The following AEBP2 variants were observed in gnomAD, a reference collection of about 807,000 sequenced individuals.
The protein encoded by AEBP2 is AE binding protein 2.
In AEBP2, 10 loss-of-function variants were observed where a neutral mutation model predicts 50.8. That is an observed-to-expected ratio of 0.20 (90% CI 0.12 to 0.33). AEBP2 has a LOEUF of 0.33. AEBP2 is among the 10% of genes least tolerant of loss of function. AEBP2 has a pLI of 1.00. For synonymous variants in AEBP2, 296 were observed against 261.3 expected (o/e 1.13, Z -1.28); for missense variants, 570 against 688.0 (o/e 0.83, Z 1.92).
chr12:19,509,619 C>T (rs1006456770), intron 5 of AEBP2, among the ~76,000 whole-genome samples: 1 of 151,932 alleles, frequency 6.6e-6, no homozygotes, highest in Admixed American at 6.6e-5. Flanking sequence ...GTAGTGGCTG[C>T]GCCTGTGGTT....
At position 19,518,390 on chromosome 12, in the gene AEBP2, T is replaced by A; in HGVS notation, c.*273T>A. The A allele has an allele frequency of 8.1e-7, 1 of 1,230,892 alleles. No homozygotes were observed. Among genetic ancestry groups the A allele is most frequent in the Non-Finnish European group, 1.0e-6 (1 of 985,536 alleles). The allele number at this position is 1,230,892 out of a possible 1,614,324, so 76.2% of individuals were successfully genotyped here. ...CTGAGCAAACACTCTTTTGGCAACTTAGTAGAACAGCTTCTTAAAGGCTTT... is the reference window on the plus strand; with the variant it reads ...CTGAGCAAACACTCTTTTGGCAACTAAGTAGAACAGCTTCTTAAAGGCTTT... On this transcript the variant is annotated 3_prime_UTR_variant, in exon 8 of 8. Transcript: ENST00000266508.
chr12:19,425,352 T>C (rs1046576126), intron 1 of AEBP2, among the ~76,000 whole-genome samples: 1 of 152,184 alleles, frequency 6.6e-6, no homozygotes, highest in African/African-American at 2.4e-5. Flanking sequence ...GTGTTTTGTA[T>C]TGGTGAAGCT....
intron 1 of AEBP2, chr12:19,457,417 A>C (rs545993209): frequency 6.7e-7 from 1 of 1,494,506 alleles, no homozygotes; most frequent in South Asian, 1.2e-5. Flanking sequence ...TCAAATTTCC[A>C]CAAGGAGGTA....
chr12:19,472,692 C>G (rs1236079774), intron 2 of AEBP2, among the ~76,000 whole-genome samples: 1 of 151,998 alleles, frequency 6.6e-6, no homozygotes, highest in Non-Finnish European at 1.5e-5. Flanking sequence ...AATATGGGAA[C>G]AAATATTGTC....
intron 1 of AEBP2, among the ~76,000 whole-genome samples, chr12:19,424,149 G>T (rs2095747266): frequency 6.6e-6 from 1 of 152,094 alleles, no homozygotes; most frequent in African/African-American, 2.4e-5. Context: ...AGATCAAGAA[G>T]AAACCATGAA....
At chr12:19,483,981 C>T (rs1814505577) in intron 3 of AEBP2, among the ~76,000 whole-genome samples, 2 of 152,136 alleles carry the variant, frequency 1.3e-5, no homozygotes, top group African/African-American at 4.8e-5. Flanking sequence ...GAGTGTCTGC[C>T]TAATGTTGGA....
intron 1 of AEBP2, chr12:19,440,585 C>G (rs1947937453): frequency 6.9e-7 from 1 of 1,452,810 alleles, no homozygotes; most frequent in African/African-American, 1.4e-5. Flanking sequence ...CCCCCCAACT[C>G]TCCTTTCCCC....
chr12:19,512,454 G>T lies in AEBP2; in HGVS notation c.1356G>T (p.Met452Ile). ...AGATCAAACTTTTGCTTCATTGGATGCCTGAAGACATGTAAGTATTTGAAA... is the reference window on the plus strand; with the variant it reads ...AGATCAAACTTTTGCTTCATTGGATTCCTGAAGACATGTAAGTATTTGAAA... ...SGKIKLLLHW[M>I]PEDILPDVWV... Residue 452 changes from methionine (M) to isoleucine (I), a missense_variant, in exon 6 of 8, where the codon ATG (methionine) becomes ATT (isoleucine). By Grantham distance (10) the Met-to-Ile change is conservative. This residue lies in a region of AEBP2 where 184 missense variants were observed against 351.2 expected (regional missense o/e 0.52). Coordinates refer to ENST00000266508, the MANE Select transcript of AEBP2 (RefSeq NM_153207.5). 1 of 1,572,810 alleles carries T rather than the reference G, an allele frequency of 6.4e-7. No homozygotes were observed. The highest frequency in any genetic ancestry group is 8.6e-7 in the Non-Finnish European group (1 of 1,156,322).
chr12:19,423,083 A>AAAC (rs770191045), intron 1 of AEBP2, among the ~76,000 whole-genome samples: 3 of 149,696 alleles, frequency 2.0e-5, no homozygotes, highest in Non-Finnish European at 4.5e-5. Context: ...AAAAAAAAAA[A>AAAC]AAAAAAAAAA....
intron 7 of AEBP2, among the ~76,000 whole-genome samples, chr12:19,516,887 C>T (rs1465684828): frequency 1.3e-5 from 2 of 152,142 alleles, no homozygotes; most frequent in South Asian, 2.1e-4. Context: ...ATCAGTCGGA[C>T]GTAGTGTTGC....
intron 1 of AEBP2, among the ~76,000 whole-genome samples, chr12:19,441,099 T>C (rs1390897999): frequency 6.6e-6 from 1 of 152,194 alleles, no homozygotes; most frequent in Non-Finnish European, 1.5e-5. Context: ...CAAAATACAG[T>C]CTTGAAGGTA....
chr12:19,466,982 T>C (rs10841235), intron 2 of AEBP2: 102,643 of 195,812 alleles, frequency 0.52, 28,417 homozygotes, highest in Non-Finnish European at 0.61. Context: ...TTTAAGTTGT[T>C]TATGTTGCTA....
At chr12:19,501,513 T>G (rs1949074359) in intron 5 of AEBP2, among the ~76,000 whole-genome samples, 1 of 151,994 alleles carries the variant, frequency 6.6e-6, no homozygotes, top group Non-Finnish European at 1.5e-5. Context: ...GGTGTGCACC[T>G]GTAGTCCCAG....
chr12:19,440,844 C>A (rs940194665), intron 1 of AEBP2: 150 of 1,276,918 alleles, frequency 1.2e-4, no homozygotes, highest in Non-Finnish European at 1.5e-4. Flanking sequence ...GGGAGAGACC[C>A]CAGCTATCAC....
chr12:19,496,664 C>CTTTTTTTT (rs771598222), intron 4 of AEBP2, among the ~76,000 whole-genome samples: 18 of 142,924 alleles, frequency 1.3e-4, no homozygotes, highest in East Asian at 4.1e-4. Flanking sequence ...TTTTTTTAAC[C>CTTTTTTTT]TTTTTTTTTT....
intron 7 of AEBP2, 35 bp from the exon 8 acceptor site, chr12:19,518,052 G>C (rs1330525411): frequency 5.1e-6 from 8 of 1,572,728 alleles, no homozygotes; most frequent in Non-Finnish European, 6.1e-6. Context: ...GTTTGATTCA[G>C]TTGAATAAAA....
intron 1 of AEBP2, 133 bp downstream of exon 1, chr12:19,440,503 C>T: frequency 2.9e-6 from 4 of 1,403,254 alleles, no homozygotes; most frequent in Non-Finnish European, 3.7e-6. Flanking sequence ...AGACTCTCAA[C>T]TCGGAAATCT....
Position 19,520,730 on chromosome 12 carries a change from G to C in AEBP2, c.*2613G>C, listed in dbSNP as rs1184546538. 1.3e-5 allele frequency: 2 copies of C among 152,130 alleles called. No individual in the cohort carries two copies. The highest frequency in any genetic ancestry group is 2.4e-5 in the African/African-American group (1 of 41,426). The allele number at this position is 152,130 out of a possible 1,614,324, so 9.4% of individuals were successfully genotyped here. A position where few individuals can be genotyped will look rare whatever the true frequency, so the allele number is the denominator to read the frequency against. On this transcript the variant is annotated 3_prime_UTR_variant, in exon 8 of 8. Transcript: ENST00000266508. The stretch of plus-strand genomic sequence containing the variant: ...ATGCCTGCTTTCTCCTGCAGTGGCA[G>C]AATTGAGTGGTGAGACCTTAGGTCC...
At chr12:19,463,667 A>ATTTTTTTTTTTTTT in intron 2 of AEBP2, among the ~76,000 whole-genome samples, 1 of 84,672 alleles carries the variant, frequency 1.2e-5, no homozygotes, top group Non-Finnish European at 2.1e-5. Flanking sequence ...TCATACTTGA[A>ATTTTTTTTTTTTTT]TTTTTTTTTT....
Sources: gnomAD v4.1 joint callset for allele counts (sites outside exome capture counted in the v4.1 genomes callset) on GRCh38, gnomAD v4.1.1 for gene constraint, gnomAD v4.1.1 regional missense constraint, MANE v1.5 for transcripts, NCBI Gene and HGNC (gene_info 2026-07-23, HGNC 2026-07-21) for gene names.